Variants in GATAD2B observed in about 807,000 individuals in gnomAD.
GATAD2B encodes transcriptional repressor p66-beta.
Under a neutral mutation model 64.3 loss-of-function variants are expected in GATAD2B, and 8 were observed. The ratio of observed to expected loss-of-function variants is 0.12; its 90% confidence interval spans 0.07 to 0.22. The LOEUF is 0.22. Ranked by LOEUF, GATAD2B falls within the 10% of genes least tolerant of loss-of-function variation. GATAD2B has a pLI of 1.00. For missense variants in GATAD2B, 453 were observed against 752.0 expected, an observed-to-expected ratio of 0.60 and a Z score of 4.65; for synonymous variants, 281 against 271.3, an observed-to-expected ratio of 1.04 and a Z score of -0.35.
At chr1:153,828,448 TCACACATACACACACACACA>T in intron 1 of GATAD2B, 100 bp from the exon 2 acceptor site, 8 of 669,656 alleles carry the variant, frequency 1.2e-5, no homozygotes, top group South Asian at 1.1e-4. Flanking sequence ...AATCTCTCTC[TCACACATACACACACACACA>T]CACACACACA....
intron 1 of GATAD2B, among the ~76,000 whole-genome samples, chr1:153,869,969 C>T (rs201743577): frequency 0.3 from 44,765 of 151,532 alleles, 6,743 homozygotes; most frequent in Admixed American, 0.39. Flanking sequence ...CTACATTTTC[C>T]TTTTTTTGAG....
chr1:153,843,714 G>T (rs1319825261), intron 1 of GATAD2B, among the ~76,000 whole-genome samples: 1 of 149,050 alleles, frequency 6.7e-6, no homozygotes, highest in African/African-American at 2.5e-5. Flanking sequence ...GGATCAATTT[G>T]TTGATGTTAA....
At chr1:153,830,765 G>A (rs149260651) in intron 1 of GATAD2B, among the ~76,000 whole-genome samples, 63 of 151,954 alleles carry the variant, frequency 4.1e-4, no homozygotes, top group African/African-American at 8.9e-4. Flanking sequence ...GTGAGCCACC[G>A]CGCCCGGCCT....
At chr1:153,868,999 A>G (rs926607799) in intron 1 of GATAD2B, among the ~76,000 whole-genome samples, 6 of 152,180 alleles carry the variant, frequency 3.9e-5, no homozygotes, top group Admixed American at 3.3e-4. Context: ...TTTAGCATAC[A>G]AAGACAATTC....
At chr1:153,889,430 A>C (rs985213903) in intron 1 of GATAD2B, among the ~76,000 whole-genome samples, 1 of 151,274 alleles carries the variant, frequency 6.6e-6, no homozygotes, top group Non-Finnish European at 1.5e-5. Flanking sequence ...AAAAAAAAAA[A>C]AAAAAACACA....
chr1:153,852,215 AG>A, intron 1 of GATAD2B: 1 of 1,090,796 alleles, frequency 9.2e-7, no homozygotes, highest in Non-Finnish European at 1.4e-6. Flanking sequence ...CCTACCAGCC[AG>A]TTGAGGGGCA....
chr1:153,816,015 T>C lies in GATAD2B; in HGVS notation c.1216+258A>G, dbSNP rs1171801977. Among the ~76,000 whole-genome samples the C allele has an allele frequency of 6.6e-6, 1 of 150,754 alleles. No homozygotes were observed. The highest frequency in any genetic ancestry group is 2.4e-5 in the African/African-American group (1 of 40,836). Reference sequence around the variant, plus strand: ...TTGCAGTGAACTGAGATTGTGCCACTGCACTCCAGCCTGGGCAACAGAGCG... The same window carrying C: ...TTGCAGTGAACTGAGATTGTGCCACCGCACTCCAGCCTGGGCAACAGAGCG... On this transcript the variant is annotated intron_variant, in intron 7 of 10. Transcript: ENST00000368655. This position sits in a 1 kb window ranked among gnomAD's most constrained non-coding sequence, Gnocchi z 4.9.
At chr1:153,883,153 C>A (rs1287923525) in intron 1 of GATAD2B, among the ~76,000 whole-genome samples, 1 of 152,184 alleles carries the variant, frequency 6.6e-6, no homozygotes, top group Non-Finnish European at 1.5e-5. Flanking sequence ...CCATCAGAGT[C>A]TCTCACAAAG....
chr1:153,907,317 T>G (rs1041583848), intron 1 of GATAD2B, among the ~76,000 whole-genome samples: 1 of 152,248 alleles, frequency 6.6e-6, no homozygotes, highest in African/African-American at 2.4e-5. Flanking sequence ...GGAATATTAT[T>G]CAGCCTTAAA....
At chr1:153,856,632 G>A (rs933924377) in intron 1 of GATAD2B, among the ~76,000 whole-genome samples, 6 of 151,930 alleles carry the variant, frequency 3.9e-5, no homozygotes, top group Non-Finnish European at 7.4e-5. Context: ...AATGTCTACT[G>A]AGCACGGTAG....
intron 2 of GATAD2B, among the ~76,000 whole-genome samples, chr1:153,824,612 T>TAA (rs771879855): frequency 0.42 from 40,088 of 96,458 alleles, 9,243 homozygotes; most frequent in Non-Finnish European, 0.5. Context: ...ACTCTGCCTT[T>TAA]AAAAAAAAAA....
At chr1:153,852,588 A>G (rs1675940023) in intron 1 of GATAD2B, 1 of 777,622 alleles carries the variant, frequency 1.3e-6, no homozygotes, top group African/African-American at 1.7e-5. Context: ...AGCATCCTGA[A>G]TTTTCTGATT....
chr1:153,875,776 G>A (rs1676807603), intron 1 of GATAD2B, among the ~76,000 whole-genome samples: 1 of 151,498 alleles, frequency 6.6e-6, no homozygotes, highest in Non-Finnish European at 1.5e-5. Context: ...CAACAGACAG[G>A]AATATCTATC....
At chr1:153,842,954 CT>C (rs11424016) in intron 1 of GATAD2B, among the ~76,000 whole-genome samples, 172 of 117,464 alleles carry the variant, frequency 1.5e-3, no homozygotes, top group Middle Eastern at 0.012. Context: ...CTCGCCCAGC[CT>C]TTTTTTTTTT....
intron 1 of GATAD2B, among the ~76,000 whole-genome samples, chr1:153,831,295 T>G (rs1313622226): frequency 6.6e-6 from 1 of 152,036 alleles, no homozygotes. Flanking sequence ...TGAGAACACA[T>G]GGACACAGGA....
At chr1:153,914,227 C>CAA (rs759245034) in intron 1 of GATAD2B, among the ~76,000 whole-genome samples, 2,660 of 62,940 alleles carry the variant, frequency 0.042, 94 homozygotes, top group African/African-American at 0.095. Context: ...CCCAGACTCT[C>CAA]AAAAAAAAAA....
Position 153,868,645 on chromosome 1 carries a change from A to G in GATAD2B, c.-1-40297T>C, listed in dbSNP as rs376090943. Among the ~76,000 whole-genome samples, 12 of 152,246 alleles carry G rather than the reference A, an allele frequency of 7.9e-5. No individual in the cohort carries two copies. The East Asian group carries it at 2.1e-3, about 27-fold the overall frequency. ...AATGTTAACATATAAACACAGTACA[A>G]TTATTGAAACCAGGAAACAATAGTG... On this transcript the variant is annotated intron_variant, in intron 1 of 10. Coordinates refer to ENST00000368655, the MANE Select transcript of GATAD2B (RefSeq NM_020699.4).
At chr1:153,850,607 C>A (rs1173617093) in intron 1 of GATAD2B, among the ~76,000 whole-genome samples, 1 of 151,994 alleles carries the variant, frequency 6.6e-6, no homozygotes, top group African/African-American at 2.4e-5. Flanking sequence ...GCCTAATAAG[C>A]CCATACTTAA....
chr1:153,824,556 G>A (rs545579539), intron 2 of GATAD2B, among the ~76,000 whole-genome samples: 79 of 145,006 alleles, frequency 5.4e-4, no homozygotes, highest in Non-Finnish European at 9.1e-4. Context: ...AGGTTGCAGC[G>A]AGCCAAGATT....
Sources: allele counts gnomAD v4.1 joint callset (sites outside exome capture counted in the v4.1 genomes callset), GRCh38; gene constraint gnomAD v4.1.1; non-coding constraint Gnocchi (gnomAD v3.1); transcripts MANE v1.5; gene names NCBI Gene and HGNC (gene_info 2026-07-23, HGNC 2026-07-21).